The following CASS4 variants were observed in gnomAD, a reference collection of about 807,000 sequenced individuals.
CASS4 encodes Cas scaffold protein family member 4.
In CASS4, 22 loss-of-function variants were observed where a neutral mutation model predicts 54.2. The ratio of observed to expected loss-of-function variants is 0.41; its 90% CI spans 0.29 to 0.58. The LOEUF is 0.58. Among genes scored for constraint, CASS4 ranks in the 20% least tolerant of loss-of-function variants. The pLI, the probability that CASS4 is intolerant of heterozygous loss-of-function variation, is 0.36. For missense variants in CASS4, 854 were observed against 986.7 expected, an observed-to-expected ratio of 0.87 and a Z score of 1.80; for synonymous variants, 409 against 391.5, an observed-to-expected ratio of 1.04 and a Z score of -0.53.
intron 3 of CASS4, 116 bp from the exon 4 acceptor site, chr20:56,450,483 G>A: frequency 1.1e-6 from 1 of 938,528 alleles, no homozygotes; most frequent in Middle Eastern, 2.1e-4. Flanking sequence ...GCACCGAAAA[G>A]TCTTCAGGAA....
intron 1 of CASS4, among the ~76,000 whole-genome samples, chr20:56,433,728 C>T (rs1401020035): frequency 6.6e-6 from 1 of 152,188 alleles, no homozygotes; most frequent in African/African-American, 2.4e-5. Context: ...TCATCTCATA[C>T]ACTCACTGGG....
Position 56,437,817 on chromosome 20 carries a change from A to G in CASS4, c.459+231A>G, listed in dbSNP as rs901124569. Reference sequence around the variant, plus strand: ...CGCCACTGTGATTCCCCAGCTCTCCAAGGCTGGGCACACTCTGTGGGAAAT... The same window carrying G: ...CGCCACTGTGATTCCCCAGCTCTCCGAGGCTGGGCACACTCTGTGGGAAAT... On this transcript the variant is annotated intron_variant, in intron 2 of 5. Coordinates refer to ENST00000679887, the MANE Select transcript of CASS4 (RefSeq NM_020356.4). The surrounding 1 kb of genome is among the most constrained non-coding windows in gnomAD (Gnocchi z 4.7). 6.6e-6 allele frequency among the ~76,000 whole-genome samples: 1 copy of G among 152,110 alleles called. No individual in the cohort carries two copies. Among genetic ancestry groups the G allele is most frequent in the African/African-American group, 2.4e-5 (1 of 41,422 alleles).
rs1446044900 is a variant in CASS4 at position 56,459,876 on chromosome 20, TG to T, written c.*1131del. 2 of 152,182 alleles carry T rather than the reference TG, an allele frequency of 1.3e-5. No homozygotes were observed. The highest frequency in any genetic ancestry group is 4.8e-5 in the African/African-American group (2 of 41,420). The allele number at this position is 152,182 out of a possible 1,614,324, so 9.4% of individuals were successfully genotyped here. On this transcript the variant is annotated 3_prime_UTR_variant, in exon 6 of 6. Transcript: ENST00000679887. ...CAGTGTTTCAGAGGGCTTGCCCTCT[TG>T]GAACTTATGATCTAGTAGGGGAGTC...
At chr20:56,438,116 C>T (rs914414425) in intron 2 of CASS4, among the ~76,000 whole-genome samples, 1 of 152,060 alleles carries the variant, frequency 6.6e-6, no homozygotes, top group African/African-American at 2.4e-5. Flanking sequence ...TAGTGAGACC[C>T]TGTCTCTACC....
Position 56,456,896 on chromosome 20 carries a change from G to A in CASS4, c.1954-1444G>A, listed in dbSNP as rs114511457. ...GAGACAGAGTTTCGTATGTTGCCAA[G>A]GCTAGTCTCAAACTCCTAGGGTTAA... On this transcript the variant is annotated intron_variant, in intron 5 of 5. Transcript: ENST00000679887. Among the ~76,000 whole-genome samples the A allele has an allele frequency of 2.7e-3, 411 of 151,668 alleles. 2 individuals carry two copies. Among genetic ancestry groups the A allele is most frequent in the African/African-American group, 9.3e-3 (384 of 41,312 alleles).
chr20:56,415,456 T>C (rs528680035), intron 1 of CASS4, among the ~76,000 whole-genome samples: 3 of 152,356 alleles, frequency 2.0e-5, no homozygotes, highest in African/African-American at 7.2e-5. Context: ...ATAAGATACA[T>C]GTTTTAAGGT....
At chr20:56,458,254 T>C (rs1229164558) in intron 5 of CASS4, 86 bp from the exon 6 acceptor site, 4 of 1,354,162 alleles carry the variant, frequency 3.0e-6, no homozygotes, top group Non-Finnish European at 4.0e-6. Context: ...TAAAAAGTCT[T>C]GCAAATCTAG....
chr20:56,447,548 C>A (rs1038119781), intron 3 of CASS4, among the ~76,000 whole-genome samples: 6 of 152,224 alleles, frequency 3.9e-5, no homozygotes, highest in Non-Finnish European at 7.3e-5. Context: ...CAAGCTGATT[C>A]TTTCTCTTCT....
At chr20:56,446,917 G>A (rs1294915983) in intron 3 of CASS4, among the ~76,000 whole-genome samples, 1 of 152,082 alleles carries the variant, frequency 6.6e-6, no homozygotes, top group African/African-American at 2.4e-5. Context: ...CAGGTAATAA[G>A]TCACTTTTGG....
chr20:56,434,194 G>A (rs932861585), intron 1 of CASS4, among the ~76,000 whole-genome samples: 39 of 152,078 alleles, frequency 2.6e-4, no homozygotes, highest in African/African-American at 8.0e-4. Context: ...GAGCCCTGAT[G>A]GTTTCCACCC....
intron 3 of CASS4, among the ~76,000 whole-genome samples, chr20:56,446,415 T>C (rs912667718): frequency 2.0e-5 from 3 of 152,184 alleles, no homozygotes; most frequent in Admixed American, 6.5e-5. Flanking sequence ...ATATTTAATA[T>C]ATGTATGTGT....
At chr20:56,417,140 T>C (rs1401437139) in intron 1 of CASS4, among the ~76,000 whole-genome samples, 1 of 152,252 alleles carries the variant, frequency 6.6e-6, no homozygotes, top group Admixed American at 6.5e-5. Context: ...TCAGTGCTTC[T>C]GGGCAAGAAA....
Position 56,452,973 on chromosome 20 carries a change from GT to G in CASS4, c.1799del (p.Leu600Ter). Reference sequence around the variant, plus strand: ...ACTGTGAAAAGGAAGAGACTGTGCAGTTGACCCCAAATGCAGAATTTAAGTG... The same window carrying G: ...ACTGTGAAAAGGAAGAGACTGTGCAGTGACCCCAAATGCAGAATTTAAGTG... ...RNCEKEETVQ[L>X]TPNAEFKCEK... On this transcript the variant is annotated frameshift_variant, in exon 5 of 6. Coordinates refer to ENST00000679887, the MANE Select transcript of CASS4 (RefSeq NM_020356.4). LOFTEE classifies it high-confidence loss of function. 1 of 1,614,112 alleles carries G rather than the reference GT, an allele frequency of 6.2e-7. No individual in the cohort carries two copies. The highest frequency in any genetic ancestry group is 8.5e-7 in the Non-Finnish European group (1 of 1,180,026).
chr20:56,441,200 G>T (rs998454588), intron 2 of CASS4, among the ~76,000 whole-genome samples: 3 of 151,392 alleles, frequency 2.0e-5, no homozygotes, highest in Non-Finnish European at 4.4e-5. Context: ...CGCCATGTTG[G>T]CCAGGCTGGT....
intron 1 of CASS4, among the ~76,000 whole-genome samples, chr20:56,431,330 G>A (rs16979909): frequency 0.11 from 16,661 of 152,136 alleles, 2,997 homozygotes; most frequent in African/African-American, 0.38. Context: ...CATTTCATTC[G>A]TCTTTTGTAA....
rs1981123372 is a variant in CASS4, at chr20:56,453,110, G to A, written c.1934G>A (p.Arg645Lys). 1 of 1,613,264 alleles carries A rather than the reference G, an allele frequency of 6.2e-7. No individual in the cohort carries two copies. Among genetic ancestry groups the A allele is most frequent in the African/African-American group, 1.3e-5 (1 of 74,902 alleles). Residue 645 changes from arginine (R) to lysine (K), a missense_variant, in exon 5 of 6, where the codon AGG becomes AAG. By Grantham distance (26) the Arg-to-Lys change is conservative (BLOSUM62 2). Transcript: ENST00000679887. Reference protein sequence around the residue: ...EHSSELLKKNRANICGQNPGP... With the variant: ...EHSSELLKKNKANICGQNPGP... The stretch of plus-strand genomic sequence containing the variant: ...TCTTCTGAACTATTAAAGAAAAATA[G>A]GGCAAATATCTGTGGACAGGTGAGT...
At chr20:56,454,096 A>G (rs1600776852) in intron 5 of CASS4, among the ~76,000 whole-genome samples, 1 of 152,028 alleles carries the variant, frequency 6.6e-6, no homozygotes, top group African/African-American at 2.4e-5. Context: ...CAGGAGAATC[A>G]CTTGAACCCA....
intron 2 of CASS4, among the ~76,000 whole-genome samples, chr20:56,443,303 A>G (rs771958363): frequency 6.6e-6 from 1 of 151,142 alleles, no homozygotes; most frequent in Non-Finnish European, 1.5e-5. Flanking sequence ...CCAACGTGGT[A>G]CTAAAAATAC....
upstream of CASS4, chr20:56,412,069 A>G (rs181617792): frequency 1.9e-4 from 56 of 297,130 alleles, no homozygotes; most frequent in Admixed American, 1.2e-3. This position sits in a 1 kb window ranked among gnomAD's most constrained non-coding sequence, Gnocchi z 4.2. Context: ...CTGTGTGTTC[A>G]TACACTGAGC....
Sources: gnomAD v4.1 joint callset for allele counts (sites outside exome capture counted in the v4.1 genomes callset) on GRCh38, gnomAD v4.1.1 for gene constraint, Gnocchi (gnomAD v3.1) non-coding constraint, MANE v1.5 for transcripts, NCBI Gene and HGNC (gene_info 2026-07-23, HGNC 2026-07-21) for gene names.